The following ACAT2 variants were observed in gnomAD, a reference collection of about 807,000 sequenced individuals.
ACAT2 encodes acetyl-CoA acetyltransferase, cytosolic.
In ACAT2, 26 loss-of-function variants were observed where a neutral mutation model predicts 37.1. The observed-to-expected ratio is 0.70, with a 90% confidence interval of 0.51 to 0.97. The LOEUF is 0.97. ACAT2 is among the 50% of genes least tolerant of loss of function. The probability of loss-of-function intolerance (pLI) is 0.00; values close to 1 mark genes in which losing one functional copy is unlikely to be tolerated. For synonymous variants in ACAT2, 156 were observed against 163.6 expected, an observed-to-expected ratio of 0.95 and a Z score of 0.35; for missense variants, 468 against 489.0, an observed-to-expected ratio of 0.96 and a Z score of 0.40.
chr6:159,762,661 G>T (rs1780169418), intron 1 of ACAT2: 1 of 1,465,916 alleles, frequency 6.8e-7, no homozygotes, highest in East Asian at 2.9e-5. Context: ...CAGTCCTTCG[G>T]ATTTGGGGAA....
At position 159,774,646 on chromosome 6, in the gene ACAT2, G is replaced by T. The variant is rs559681374; in HGVS notation, c.491-524G>T. On this transcript the variant is annotated intron_variant, in intron 4 of 8. Transcript: ENST00000367048. ...TTTAATGGAGACAGGGTCTCGCTGT[G>T]CCCAGGCTGGTCTCAAACTCCTGGG... 3.9e-5 allele frequency among the ~76,000 whole-genome samples: 6 copies of T among 152,212 alleles called. No homozygotes were observed. In the East Asian group the frequency reaches 1.2e-3, roughly 29 times the overall value.
Position 159,776,168 on chromosome 6 carries a change from C to T in ACAT2, c.653C>T (p.Thr218Ile), listed in dbSNP as rs1024094439. The T allele has an allele frequency of 6.2e-7, 1 of 1,614,020 alleles. No individual in the cohort carries two copies. Among genetic ancestry groups the T allele is most frequent in the Non-Finnish European group, 8.5e-7 (1 of 1,179,966 alleles). Residue 218 changes from threonine to isoleucine, a missense_variant, in exon 6 of 9, where the codon ACA becomes ATA. Physicochemically the swap from Thr to Ile is moderately conservative, Grantham distance 89 (BLOSUM62 -1). Transcript: ENST00000367048. ...TGCTTAGGTCTTATTGAAGTTAAAA[C>T]AGATGAGTTTCCTCGCCATGGGAGC... ...STRKGLIEVKTDEFPRHGSNI... is the reference protein window; with the variant it reads ...STRKGLIEVKIDEFPRHGSNI...
At chr6:159,763,377 A>G (rs1005695754) in intron 2 of ACAT2, among the ~76,000 whole-genome samples, 1 of 151,790 alleles carries the variant, frequency 6.6e-6, no homozygotes, top group Admixed American at 6.6e-5. Context: ...ACAAAGCAAG[A>G]CCCCGTCTCT....
At chr6:159,763,289 C>T (rs1284443887) in intron 2 of ACAT2, among the ~76,000 whole-genome samples, 1 of 152,062 alleles carries the variant, frequency 6.6e-6, no homozygotes, top group East Asian at 1.9e-4. Context: ...AGGGTGGCTC[C>T]CGCCTGTAAT....
Position 159,775,284 on chromosome 6 carries a change from T to A in ACAT2, c.605T>A (p.Ile202Asn), listed in dbSNP as rs375602667. The A allele has an allele frequency of 4.3e-6, 7 of 1,614,032 alleles. No homozygotes were observed. The African/African-American group carries it at 9.3e-5, about 22-fold the overall frequency. ...AQKAGHFDKE[I>N]VPVLVSTRKG... ...AAAGCTGGCCATTTTGACAAAGAGATTGTACCAGTTTTGGTGTCAACTAGA... is the reference window on the plus strand; with the variant it reads ...AAAGCTGGCCATTTTGACAAAGAGAATGTACCAGTTTTGGTGTCAACTAGA... The change falls in exon 5 of 9, where the codon ATT becomes AAT. Residue 202 changes from isoleucine to asparagine, a missense_variant. Coordinates refer to ENST00000367048, the MANE Select transcript of ACAT2 (RefSeq NM_005891.3).
At chr6:159,766,199 T>A (rs1291213744) in intron 2 of ACAT2, among the ~76,000 whole-genome samples, 1 of 152,358 alleles carries the variant, frequency 6.6e-6, no homozygotes, top group Non-Finnish European at 1.5e-5. Context: ...TATAACCATT[T>A]AAGCATAGTG....
intron 5 of ACAT2, 158 bp from the exon 6 acceptor site, chr6:159,775,992 T>C (rs913504791): frequency 1.7e-5 from 12 of 726,174 alleles, no homozygotes; most frequent in Non-Finnish European, 2.7e-5. Flanking sequence ...CAATAATTCT[T>C]GTGTGTACTT....
rs906566563 is a variant in ACAT2, at chr6:159,771,554, C to A, written c.490+2926C>A. ...AAAGAAGTTCAAAGACCAAGATAGACAAGGGAAAAATTACACCTTAGCAAA... is the reference window on the plus strand; with the variant it reads ...AAAGAAGTTCAAAGACCAAGATAGAAAAGGGAAAAATTACACCTTAGCAAA... On this transcript the variant is annotated intron_variant, in intron 4 of 8. Transcript: ENST00000367048. Among the ~76,000 whole-genome samples the A allele has an allele frequency of 5.3e-5, 8 of 149,680 alleles. No individual in the cohort carries two copies. In the Middle Eastern group the frequency reaches 0.021, roughly 390 times the overall value.
At chr6:159,772,465 G>T (rs1780352675) in intron 4 of ACAT2, among the ~76,000 whole-genome samples, 1 of 152,154 alleles carries the variant, frequency 6.6e-6, no homozygotes, top group Admixed American at 6.5e-5. Context: ...GGAATGAAAT[G>T]GAGAAATTAA....
chr6:159,767,102 A>G lies in ACAT2; in HGVS notation c.288A>G (p.Leu96=), dbSNP rs1363798095. 6.2e-7 allele frequency: 1 copy of G among 1,614,204 alleles called. No homozygotes were observed. Among genetic ancestry groups the G allele is most frequent in the Non-Finnish European group, 8.5e-7 (1 of 1,180,036 alleles). ...GCCAGATGATCTGTGGGTCAGGCCT[A>G]AAAGCTGTGTGCCTTGCAGTCCAGT... ...WSCQMICGSG[L]KAVCLAVQSI... is the part of the protein sequence containing the mutation. Residue 96 remains leucine (L), a synonymous_variant, in exon 3 of 9, where the codon CTA becomes CTG. Transcript: ENST00000367048.
At chr6:159,765,752 G>C (rs1026396541) in intron 2 of ACAT2, among the ~76,000 whole-genome samples, 1 of 152,096 alleles carries the variant, frequency 6.6e-6, no homozygotes, top group African/African-American at 2.4e-5. Context: ...ACCGCACTGG[G>C]CCTGTCTTTT....
At chr6:159,775,370 A>G (rs1780397384) in intron 5 of ACAT2, 57 bp downstream of exon 5, 3 of 1,567,896 alleles carry the variant, frequency 1.9e-6, no homozygotes, top group African/African-American at 1.4e-5. Context: ...AGTAACATCT[A>G]AAAGAGTAAT....
intron 2 of ACAT2, 76 bp from the exon 3 acceptor site, chr6:159,766,929 A>G (rs903555219): frequency 1.4e-5 from 22 of 1,580,576 alleles, no homozygotes; most frequent in Non-Finnish European, 1.8e-5. Flanking sequence ...CCAACTGGCA[A>G]TTTTCCACAC....
intron 4 of ACAT2, among the ~76,000 whole-genome samples, chr6:159,770,490 G>T (rs1305029719): frequency 6.6e-6 from 1 of 152,170 alleles, no homozygotes; most frequent in Non-Finnish European, 1.5e-5. Context: ...TCTAGAACTT[G>T]CAAAGTACAC....
rs538026740 is a variant in ACAT2 at position 159,767,315 on chromosome 6, A to G, written c.372+129A>G. On this transcript the variant is annotated intron_variant, in intron 3 of 8. Coordinates refer to ENST00000367048, the MANE Select transcript of ACAT2 (RefSeq NM_005891.3). The stretch of plus-strand genomic sequence containing the variant: ...AGTGAACAAATAAACAGAAATGACA[A>G]CCTTGATCCCTACTTGAATGTGAAG... 4.5e-3 allele frequency: 4,359 copies of G among 959,700 alleles called. 13 individuals are homozygous for G. The highest frequency in any genetic ancestry group is 5.8e-3 in the Non-Finnish European group (3,754 of 649,078). 59.4% of individuals were successfully genotyped at this position (959,700 alleles called of 1,614,324 possible).
chr6:159,762,403 T>G (rs1364953136), intron 1 of ACAT2: 2 of 1,381,512 alleles, frequency 1.4e-6, no homozygotes, highest in African/African-American at 2.9e-5. Context: ...TCGCGTGGCC[T>G]GCCTCTCCCA....
At chr6:159,769,724 T>C (rs1318033574) in intron 4 of ACAT2, among the ~76,000 whole-genome samples, 1 of 152,182 alleles carries the variant, frequency 6.6e-6, no homozygotes, top group African/African-American at 2.4e-5. Context: ...AACTGTGTTA[T>C]GGAGAGGCAG....
In ACAT2 at chr6:159,777,439, C is replaced by A. The variant is rs755755045; in HGVS notation, c.895C>A (p.Pro299Thr). 6.2e-7 allele frequency: 1 copy of A among 1,613,450 alleles called. No individual in the cohort carries two copies. Among genetic ancestry groups the A allele is most frequent in the South Asian group, 1.1e-5 (1 of 90,932 alleles). The change falls in exon 7 of 9, where the codon CCA becomes ACA. Residue 299 changes from proline (P) to threonine (T), a missense_variant. By Grantham distance (38) the Pro-to-Thr change is conservative. Transcript: ENST00000367048. ...EPSIMGIGPI[P>T]AIKQAVTKAG... is the part of the protein sequence containing the mutation. ...TTCCATTATGGGAATAGGACCAATTCCAGCCATAAAGCAAGCTGTGAGTAT... is the reference window on the plus strand; with the variant it reads ...TTCCATTATGGGAATAGGACCAATTACAGCCATAAAGCAAGCTGTGAGTAT...
Position 159,762,086 on chromosome 6 carries a change from A to G in ACAT2, c.-2A>G. 1 of 1,613,008 alleles carries G rather than the reference A, an allele frequency of 6.2e-7. No individual in the cohort carries two copies. The highest frequency in any genetic ancestry group is 8.5e-7 in the Non-Finnish European group (1 of 1,179,532). On this transcript the variant is annotated 5_prime_UTR_variant, in exon 1 of 9. Transcript: ENST00000367048. ...AGGGCAGACGGCGGCAGGAGAAGCA[A>G]GATGAATGCAGGCTCAGATCCTGTG...
Sources: gnomAD v4.1 joint callset for allele counts (sites outside exome capture counted in the v4.1 genomes callset) on GRCh38, gnomAD v4.1.1 for gene constraint, MANE v1.5 for transcripts, NCBI Gene and HGNC (gene_info 2026-07-23, HGNC 2026-07-21) for gene names.